DDX56: variants seen among roughly 807,000 people sequenced by gnomAD.
The protein encoded by DDX56 is probable ATP-dependent RNA helicase DDX56.
A neutral mutation model predicts 61.5 loss-of-function variants in DDX56; 45 were observed. That is an observed-to-expected ratio of 0.73 (90% CI 0.58 to 0.94). The LOEUF (loss-of-function observed/expected upper bound fraction) is 0.94, where lower values mean the gene tolerates loss of function less well. Among genes scored for constraint, DDX56 ranks in the 40% least tolerant of loss-of-function variants. DDX56 has a pLI of 0.00. For missense variants in DDX56, 708 were observed against 690.7 expected, an observed-to-expected ratio of 1.02 and a Z score of -0.28; for synonymous variants, 273 against 268.3, an observed-to-expected ratio of 1.02 and a Z score of -0.17.
At chr7:44,570,974 T>C in intron 6 of DDX56, 97 bp from the exon 7 acceptor site, 1 of 1,416,354 alleles carries the variant, frequency 7.1e-7, no homozygotes, top group South Asian at 1.4e-5. Flanking sequence ...CTTTCCTTTT[T>C]CCTCTTCTTA....
At position 44,573,606 on chromosome 7, in the gene DDX56, G is replaced by A. The variant is rs1281531996; in HGVS notation, c.199C>T (p.Gln67Ter). Residue 67 changes from glutamine (Q) to a stop codon, truncating the protein, a stop_gained, in exon 2 of 14, where the codon CAG becomes TAG. Coordinates refer to ENST00000258772, the MANE Select transcript of DDX56 (RefSeq NM_019082.4). LOFTEE classifies it high-confidence loss of function. ...KTAAYAIPML[Q>*]LLLHRKATGP... is the part of the protein sequence containing the mutation. ...ACCGCCTTCCTATGGAGCAACAGCT[G>A]CAGCATCGGAATAGCATAAGCGGCC... 1 of 1,613,796 alleles carries A rather than the reference G, an allele frequency of 6.2e-7. No homozygotes were observed. The highest frequency in any genetic ancestry group is 8.5e-7 in the Non-Finnish European group (1 of 1,179,932).
chr7:44,571,148 C>G (rs1347967813), intron 6 of DDX56, among the ~76,000 whole-genome samples: 2 of 152,248 alleles, frequency 1.3e-5, no homozygotes, highest in Non-Finnish European at 2.9e-5. Context: ...AAGCAATTCT[C>G]CTATCTCAGC....
In DDX56 at chr7:44,570,749, T is replaced by C. The variant is rs1219845776; in HGVS notation, c.1010+9A>G. Reference sequence around the variant, plus strand: ...CTGGGGAGGGATGGAAAAAGAGGCATGGACTCACTTGTCCCCTTTGGGCCC... The same window carrying C: ...CTGGGGAGGGATGGAAAAAGAGGCACGGACTCACTTGTCCCCTTTGGGCCC... On this transcript the variant is annotated intron_variant, in intron 7 of 13. Transcript: ENST00000258772. The C allele has an allele frequency of 1.3e-6, 2 of 1,597,520 alleles. No homozygotes were observed. The highest frequency in any genetic ancestry group is 1.7e-6 in the Non-Finnish European group (2 of 1,171,130).
At chr7:44,570,153 C>T (rs2304373) in intron 7 of DDX56, 25 bp from the exon 8 acceptor site, 76,374 of 1,611,534 alleles carry the variant, frequency 0.047, 4,489 homozygotes, top group East Asian at 0.27. Flanking sequence ...CAATGTCAGC[C>T]GGACCCTTCC....
chr7:44,570,160 T>G (rs1369798694), intron 7 of DDX56, 32 bp from the exon 8 acceptor site: 1 of 1,610,768 alleles, frequency 6.2e-7, no homozygotes. Flanking sequence ...AGCCGGACCC[T>G]TCCTCTCCTC....
chr7:44,571,789 T>C (rs1802680536), intron 5 of DDX56, 53 bp from the exon 6 acceptor site: 7 of 1,602,500 alleles, frequency 4.4e-6, no homozygotes, highest in East Asian at 2.2e-5. Context: ...CAGAGATGTA[T>C]GGCCACTTAC....
chr7:44,570,482 T>C (rs1023519889), intron 7 of DDX56, among the ~76,000 whole-genome samples: 5 of 152,208 alleles, frequency 3.3e-5, no homozygotes, highest in Non-Finnish European at 5.9e-5. Flanking sequence ...GTCACAGCCA[T>C]ACCACCAATG....
In DDX56 at chr7:44,572,440, G is replaced by A; in HGVS notation, c.555-3C>T. The A allele has an allele frequency of 6.2e-7, 1 of 1,614,046 alleles. No individual in the cohort carries two copies. The highest frequency in any genetic ancestry group is 8.5e-7 in the Non-Finnish European group (1 of 1,179,984). ...CCTGGTAAATCCGGGGCAAGTGACTGAAATGAAAGAATCCAATCAGATTCC... is the reference window on the plus strand; with the variant it reads ...CCTGGTAAATCCGGGGCAAGTGACTAAAATGAAAGAATCCAATCAGATTCC... On this transcript the variant is annotated splice_polypyrimidine_tract_variant and splice_region_variant and intron_variant, in intron 4 of 13. Transcript: ENST00000258772.
chr7:44,573,702 C>T lies in DDX56; in HGVS notation c.103G>A (p.Glu35Lys). The T allele has an allele frequency of 6.2e-7, 1 of 1,613,704 alleles. No homozygotes were observed. Among genetic ancestry groups the T allele is most frequent in the Non-Finnish European group, 8.5e-7 (1 of 1,180,022 alleles). Residue 35 changes from glutamate to lysine, a missense_variant, in exon 2 of 14, where the codon GAG becomes AAG. Physicochemically the swap from Glu to Lys is moderately conservative, Grantham distance 56. Transcript: ENST00000258772. ...LGWSRPTLIQEKAIPLALEGK... is the reference protein window; with the variant it reads ...LGWSRPTLIQKKAIPLALEGK... Reference sequence around the variant, plus strand: ...TCTAGGGCCAGTGGGATGGCCTTCTCCTGGATCAGCGTAGGTCGCGACCAG... The same window carrying T: ...TCTAGGGCCAGTGGGATGGCCTTCTTCTGGATCAGCGTAGGTCGCGACCAG...
At chr7:44,567,983 C>T (rs557473040) in intron 12 of DDX56, 135 bp downstream of exon 12, 17 of 721,272 alleles carry the variant, frequency 2.4e-5, no homozygotes, top group East Asian at 8.1e-5. Flanking sequence ...TTTACATGCC[C>T]GCGTGCTGCC....
rs1212487051 is a variant in DDX56, at chr7:44,566,018, G to T, written c.1628C>A (p.Thr543Lys). 1 of 1,612,734 alleles carries T rather than the reference G, an allele frequency of 6.2e-7. No individual in the cohort carries two copies. Among genetic ancestry groups the T allele is most frequent in the Non-Finnish European group, 8.5e-7 (1 of 1,179,780 alleles). The change falls in exon 14 of 14, where the codon ACA becomes AAA. Residue 543 changes from threonine to lysine, a missense_variant. Coordinates refer to ENST00000258772, the MANE Select transcript of DDX56 (RefSeq NM_019082.4). ...CCAACAACCTCAGGAGGGCTTGGCT[G>T]TGGGTCTGAATTTCTTTCCTTTGTG... ...FKHKGKKFRP[T>K]AKPS
chr7:44,569,302 G>A (rs1476341909), intron 9 of DDX56, 99 bp from the exon 10 acceptor site: 2 of 1,153,722 alleles, frequency 1.7e-6, no homozygotes, highest in African/African-American at 1.6e-5. Context: ...GAAAGCAGCA[G>A]GGGACCCACC....
In DDX56 at chr7:44,573,751, G is replaced by C. The variant is rs1419382661; in HGVS notation, c.61-7C>G. ...AGCCCAGATCGGTGACAGCCTAGGA[G>C]ACCAGGAGTGCGGTTTAAGCGGCGT... On this transcript the variant is annotated splice_polypyrimidine_tract_variant and splice_region_variant and intron_variant, in intron 1 of 13. Transcript: ENST00000258772. 6.2e-7 allele frequency: 1 copy of C among 1,613,526 alleles called. No individual in the cohort carries two copies.
chr7:44,568,272 A>G, intron 11 of DDX56, 49 bp from the exon 12 acceptor site: 1 of 1,346,302 alleles, frequency 7.4e-7, no homozygotes, highest in Non-Finnish European at 1.0e-6. Context: ...TTCTTCTGTG[A>G]CTTCACAGAC....
At position 44,572,426 on chromosome 7, in the gene DDX56, C is replaced by A. The variant is rs140918826; in HGVS notation, c.566G>T (p.Arg189Leu). Reference sequence around the variant, plus strand: ...TGACATGAGAAAAGCCTGGTAAATCCGGGGCAAGTGACTGAAATGAAAGAA... The same window carrying A: ...TGACATGAGAAAAGCCTGGTAAATCAGGGGCAAGTGACTGAAATGAAAGAA... ...ELKSLLCHLP[R>L]IYQAFLMSAT... is the part of the protein sequence containing the mutation. The change falls in exon 5 of 14, where the codon CGG becomes CTG. Residue 189 changes from arginine (R) to leucine (L), a missense_variant. Coordinates refer to ENST00000258772, the MANE Select transcript of DDX56 (RefSeq NM_019082.4). 1.2e-6 allele frequency: 2 copies of A among 1,613,940 alleles called. No homozygotes were observed. The highest frequency in any genetic ancestry group is 1.1e-5 in the South Asian group (1 of 91,068).
At chr7:44,568,881 T>G in intron 11 of DDX56, 22 bp downstream of exon 11, 1 of 1,590,384 alleles carries the variant, frequency 6.3e-7, no homozygotes, top group Non-Finnish European at 8.6e-7. Flanking sequence ...ATCTATCCCC[T>G]TCTCACCTCC....
chr7:44,569,039 C>G (rs376757079), intron 10 of DDX56, 47 bp from the exon 11 acceptor site: 2 of 1,611,934 alleles, frequency 1.2e-6, no homozygotes, highest in Non-Finnish European at 1.7e-6. Flanking sequence ...GCCCCAAATC[C>G]TCCCTTCACA....
chr7:44,571,936 T>C (rs1333511148), intron 5 of DDX56, among the ~76,000 whole-genome samples, 200 bp from the exon 6 acceptor site: 4 of 152,182 alleles, frequency 2.6e-5, no homozygotes, highest in South Asian at 2.1e-4. Flanking sequence ...GTATACCATA[T>C]AAACCATATA....
In DDX56 at chr7:44,571,514, C is replaced by T; in HGVS notation, c.868G>A (p.Gly290Arg). 4 of 1,614,140 alleles carry T rather than the reference C, an allele frequency of 2.5e-6. No homozygotes were observed. Among genetic ancestry groups the T allele is most frequent in the Non-Finnish European group, 3.4e-6 (4 of 1,180,030 alleles). Residue 290 changes from glycine to arginine, a missense_variant, in exon 6 of 14, where the codon GGA becomes AGA. By Grantham distance (125) the Gly-to-Arg change is moderately radical (BLOSUM62 -2). Coordinates refer to ENST00000258772, the MANE Select transcript of DDX56 (RefSeq NM_019082.4). ...QFSIPTCVLN[G>R]ELPLRSRCHI... ...GACCTGGAGCGCAGTGGAAGCTCTC[C>T]ATTGAGCACACAGGTGGGGATGCTG...
Sources: allele counts gnomAD v4.1 joint callset (sites outside exome capture counted in the v4.1 genomes callset), GRCh38; gene constraint gnomAD v4.1.1; transcripts MANE v1.5; gene names NCBI Gene and HGNC (gene_info 2026-07-23, HGNC 2026-07-21).